The following PHF24 variants were observed in gnomAD, a reference collection of about 807,000 sequenced individuals.
PHF24 encodes PHD finger protein 24, also known as Galpha inhibitory interacting protein.
In PHF24, 25 loss-of-function variants were observed where a neutral mutation model predicts 42.6. That is an observed-to-expected ratio of 0.59 (90% CI 0.43 to 0.82). The LOEUF (loss-of-function observed/expected upper bound fraction) is 0.82, where lower values mean the gene tolerates loss of function less well. PHF24 is among the 40% of genes least tolerant of loss of function. PHF24 has a pLI of 0.00. For missense variants in PHF24, 470 were observed against 538.1 expected (o/e 0.87, Z 1.25); for synonymous variants, 185 against 204.8 (o/e 0.90, Z 0.83).
chr9:34,842,983 A>AT, the PHF24 span, among the ~76,000 whole-genome samples: 4 of 152,144 alleles, frequency 2.6e-5, no homozygotes, highest in Non-Finnish European at 2.9e-5. Context: ...GATGTTGAGC[A>AT]TTTTTTCATG....
the PHF24 span, among the ~76,000 whole-genome samples, chr9:34,746,165 A>G: frequency 6.6e-6 from 1 of 152,232 alleles, no homozygotes; most frequent in African/African-American, 2.4e-5. Context: ...GGTAAAAACC[A>G]CAGGCTTTTG....
At chr9:34,863,325 C>G in the PHF24 span, among the ~76,000 whole-genome samples, 1 of 152,038 alleles carries the variant, frequency 6.6e-6, no homozygotes, top group Non-Finnish European at 1.5e-5. Flanking sequence ...TGGGCAAGAC[C>G]CAGTGCCGTG....
At chr9:34,736,739 C>T in the PHF24 span, among the ~76,000 whole-genome samples, 1 of 152,094 alleles carries the variant, frequency 6.6e-6, no homozygotes, top group East Asian at 1.9e-4. Flanking sequence ...GACAAAGATG[C>T]TAAAGGCAGC....
At chr9:34,745,169 G>A in the PHF24 span, among the ~76,000 whole-genome samples, 17 of 152,194 alleles carry the variant, frequency 1.1e-4, no homozygotes, top group Admixed American at 8.5e-4. Context: ...AGAGAGGTCA[G>A]GAAGGAGCTG....
At chr9:34,914,952 A>ATT in the PHF24 span, among the ~76,000 whole-genome samples, 1 of 118,510 alleles carries the variant, frequency 8.4e-6, no homozygotes, top group African/African-American at 3.3e-5. Context: ...TGCCTGGCTA[A>ATT]TTTTTTTTTT....
At chr9:34,866,346 G>A in the PHF24 span, among the ~76,000 whole-genome samples, 2 of 151,956 alleles carry the variant, frequency 1.3e-5, no homozygotes, top group South Asian at 2.1e-4. Flanking sequence ...TTCCCTCCTC[G>A]TGGAATAATT....
chr9:34,673,277 C>T, the PHF24 span, among the ~76,000 whole-genome samples: 1 of 147,806 alleles, frequency 6.8e-6, no homozygotes, highest in African/African-American at 2.4e-5. Flanking sequence ...ATTCTCTAAC[C>T]TGGGAGCGGG....
the PHF24 span, among the ~76,000 whole-genome samples, chr9:34,696,001 A>G: frequency 2.0e-5 from 3 of 152,210 alleles, no homozygotes; most frequent in African/African-American, 7.2e-5. Context: ...ACAGTCACTT[A>G]GACTATCACT....
chr9:34,768,682 ACTT>A, the PHF24 span, among the ~76,000 whole-genome samples: 1 of 152,172 alleles, frequency 6.6e-6, no homozygotes, highest in Non-Finnish European at 1.5e-5. Flanking sequence ...CTCACTAAAG[ACTT>A]CTTCTGGCCC....
the PHF24 span, among the ~76,000 whole-genome samples, chr9:34,935,119 G>C: frequency 6.6e-6 from 1 of 152,202 alleles, no homozygotes. Context: ...AGTGAAGATT[G>C]TTTACTAAGG....
the PHF24 span, chr9:34,917,634 G>T: frequency 1.3e-6 from 1 of 776,708 alleles, no homozygotes; most frequent in South Asian, 1.3e-5. Context: ...CCTTCCAGTG[G>T]CTTCCCGGGG....
At chr9:34,839,775 A>G in the PHF24 span, among the ~76,000 whole-genome samples, 4 of 152,220 alleles carry the variant, frequency 2.6e-5, no homozygotes, top group East Asian at 7.7e-4. Flanking sequence ...AGACAAGACA[A>G]ATTTACGTGA....
chr9:34,820,505 T>C, the PHF24 span, among the ~76,000 whole-genome samples: 1 of 152,194 alleles, frequency 6.6e-6, no homozygotes, highest in Non-Finnish European at 1.5e-5. Context: ...TCTGTTCCTG[T>C]GTTTATTTGC....
the PHF24 span, among the ~76,000 whole-genome samples, chr9:34,947,925 G>A: frequency 2.6e-5 from 4 of 151,984 alleles, no homozygotes; most frequent in Admixed American, 1.3e-4. Flanking sequence ...TGACTAACAC[G>A]GTAAAACCCC....
exon 2 of PHF24, chr9:34,971,558 G>C (rs1826985264): frequency 3.1e-6 from 5 of 1,614,060 alleles, no homozygotes; most frequent in Non-Finnish European, 4.2e-6. Context: ...GATGGGCGCG[G>C]CGTGGAGCCT....
At chr9:34,715,224 G>A in the PHF24 span, among the ~76,000 whole-genome samples, 5 of 152,098 alleles carry the variant, frequency 3.3e-5, no homozygotes, top group South Asian at 2.1e-4. Context: ...TCCCTACCCC[G>A]TCTCCAGTCT....
the PHF24 span, among the ~76,000 whole-genome samples, chr9:34,692,612 A>G: frequency 2.0e-5 from 3 of 152,134 alleles, no homozygotes; most frequent in Non-Finnish European, 1.5e-5. Context: ...TCCACCACTT[A>G]CTAACTGCGA....
chr9:34,944,207 T>G, the PHF24 span, among the ~76,000 whole-genome samples: 9 of 152,156 alleles, frequency 5.9e-5, no homozygotes, highest in Admixed American at 3.3e-4. Flanking sequence ...TTGTTCACAA[T>G]CAAAGCATGA....
chr9:34,784,714 G>A, the PHF24 span, among the ~76,000 whole-genome samples: 2 of 152,190 alleles, frequency 1.3e-5, no homozygotes, highest in Non-Finnish European at 2.9e-5. Flanking sequence ...CCACATGAAT[G>A]CTGCCCAACT....
Sources: allele counts gnomAD v4.1 joint callset (sites outside exome capture counted in the v4.1 genomes callset), GRCh38; gene constraint gnomAD v4.1.1; transcripts MANE v1.5; gene names NCBI Gene and HGNC (gene_info 2026-07-23, HGNC 2026-07-21).